The following DYM variants were observed in gnomAD, a reference collection of about 807,000 sequenced individuals.
DYM encodes dymeclin.
Under a neutral mutation model 93.1 loss-of-function variants are expected in DYM, and 78 were observed. The observed-to-expected ratio is 0.84, with a 90% CI of 0.70 to 1.01. The LOEUF is 1.01. Among genes scored for constraint, DYM ranks in the 50% least tolerant of loss-of-function variants. The pLI is 0.00. For missense variants in DYM, 789 were observed against 845.0 expected (o/e 0.93, Z 0.82); for synonymous variants, 321 against 319.7 (o/e 1.00, Z -0.04).
intron 2 of DYM, among the ~76,000 whole-genome samples, chr18:49,395,912 G>A (rs914382861): frequency 3.3e-5 from 5 of 152,300 alleles, no homozygotes; most frequent in Admixed American, 1.3e-4. Flanking sequence ...AATGGGAGGT[G>A]TCTGGGTCAT....
At position 49,381,775 on chromosome 18, in the gene DYM, T is replaced by C. The variant is rs2068064133; in HGVS notation, c.194-2017A>G. ...CAATCAGCGGAGTTTTTATCCAGCC[T>C]TCACAATCAAGAATAGATATGTGAT... On this transcript the variant is annotated intron_variant, in intron 3 of 17. Transcript: ENST00000675505. Among the ~76,000 whole-genome samples, 5 of 152,296 alleles carry C rather than the reference T, an allele frequency of 3.3e-5. No homozygotes were observed. In the South Asian group the frequency reaches 1.0e-3, roughly 32 times the overall value.
chr18:49,246,057 T>C (rs1262961336), intron 13 of DYM, among the ~76,000 whole-genome samples: 1 of 152,222 alleles, frequency 6.6e-6, no homozygotes, highest in African/African-American at 2.4e-5. Context: ...CCTAGGACAG[T>C]AGTCCCAGTT....
intron 8 of DYM, among the ~76,000 whole-genome samples, chr18:49,310,685 T>C (rs1449279007): frequency 1.3e-5 from 2 of 152,224 alleles, no homozygotes; most frequent in East Asian, 3.8e-4. Flanking sequence ...TTCACTTTGT[T>C]GCTAAAATGT....
chr18:49,429,751 C>A (rs115534639), intron 2 of DYM, among the ~76,000 whole-genome samples: 1 of 152,046 alleles, frequency 6.6e-6, no homozygotes, highest in Non-Finnish European at 1.5e-5. Context: ...ATGATGTATG[C>A]GGCAGTAACT....
chr18:49,208,164 CAG>C (rs1354393440), intron 14 of DYM, among the ~76,000 whole-genome samples: 2 of 111,028 alleles, frequency 1.8e-5, no homozygotes, highest in African/African-American at 7.6e-5. Flanking sequence ...GCCTGGGTGA[CAG>C]AGCAAGACTC....
chr18:49,305,023 C>T (rs2061190101), intron 8 of DYM, among the ~76,000 whole-genome samples: 1 of 152,188 alleles, frequency 6.6e-6, no homozygotes, highest in East Asian at 1.9e-4. Context: ...TCCCAGCATT[C>T]AGGTCACTTC....
At chr18:49,130,790 C>T (rs1568468168) in intron 15 of DYM, among the ~76,000 whole-genome samples, 2 of 152,086 alleles carry the variant, frequency 1.3e-5, no homozygotes, top group Non-Finnish European at 2.9e-5. Flanking sequence ...CACAGGTTAC[C>T]ATTTAGGGGA....
intron 6 of DYM, among the ~76,000 whole-genome samples, chr18:49,341,247 T>G (rs533673368): frequency 6.6e-6 from 1 of 152,186 alleles, no homozygotes; most frequent in East Asian, 1.9e-4. Flanking sequence ...TCCCAGCACT[T>G]TGGGAGGCCG....
At chr18:49,340,353 T>G (rs1411062002) in intron 6 of DYM, among the ~76,000 whole-genome samples, 1 of 152,034 alleles carries the variant, frequency 6.6e-6, no homozygotes, top group Admixed American at 6.6e-5. Flanking sequence ...AAAAACAGAA[T>G]GAGTTCTATA....
chr18:49,405,602 G>A (rs181488832), intron 2 of DYM, among the ~76,000 whole-genome samples: 1 of 152,204 alleles, frequency 6.6e-6, no homozygotes, highest in Non-Finnish European at 1.5e-5. Flanking sequence ...CTGTTTTTGT[G>A]CCAATATCAT....
rs144461000 is a variant in DYM, at chr18:49,391,643, C to T, written c.143G>A (p.Ser48Asn). The change falls in exon 3 of 18, where the codon AGT becomes AAT. Residue 48 changes from serine (S) to asparagine (N), a missense_variant and splice_region_variant. Coordinates refer to ENST00000675505, the MANE Select transcript of DYM (RefSeq NM_001353214.3). ...TGCTTCCTCCAAGAGTTTCAACTCACTACTGGAGAGACAGAAGAATAAAGG... is the reference window on the plus strand; with the variant it reads ...TGCTTCCTCCAAGAGTTTCAACTCATTACTGGAGAGACAGAAGAATAAAGG... ...SFSFPAPTSS[S>N]ELKLLEEATI... The T allele has an allele frequency of 2.4e-5, 39 of 1,612,670 alleles. No individual in the cohort carries two copies. The highest frequency in any genetic ancestry group is 9.4e-5 in the African/African-American group (7 of 74,852).
At chr18:49,289,767 A>C (rs1193792206) in intron 8 of DYM, among the ~76,000 whole-genome samples, 10 of 47,080 alleles carry the variant, frequency 2.1e-4, no homozygotes, top group African/African-American at 7.6e-4. Context: ...ATATATATAT[A>C]TATATACACA....
intron 14 of DYM, among the ~76,000 whole-genome samples, chr18:49,186,464 A>G (rs940648690): frequency 8.6e-5 from 13 of 151,926 alleles, no homozygotes; most frequent in East Asian, 5.8e-4. Context: ...ACTATTGCCT[A>G]TATCTTCTTT....
At chr18:49,422,174 A>G (rs1028651000) in intron 2 of DYM, among the ~76,000 whole-genome samples, 2 of 152,292 alleles carry the variant, frequency 1.3e-5, no homozygotes, top group East Asian at 1.9e-4. Flanking sequence ...GATACTCCTC[A>G]AGAAAAGCAA....
chr18:49,129,086 AG>A (rs564878538), intron 15 of DYM, among the ~76,000 whole-genome samples: 37 of 152,046 alleles, frequency 2.4e-4, no homozygotes, highest in African/African-American at 8.9e-4. Context: ...AAGGCAGTAA[AG>A]GGTCACAAAT....
At chr18:49,171,732 C>A (rs1381011739) in intron 14 of DYM, among the ~76,000 whole-genome samples, 2 of 150,818 alleles carry the variant, frequency 1.3e-5, no homozygotes, top group African/African-American at 4.9e-5. Context: ...CCTTACAGCC[C>A]CCATACCACC....
At chr18:49,278,212 A>G (rs1275567160) in intron 10 of DYM, among the ~76,000 whole-genome samples, 1 of 152,244 alleles carries the variant, frequency 6.6e-6, no homozygotes, top group Non-Finnish European at 1.5e-5. Context: ...TAAATCATAG[A>G]CTGCATATCA....
chr18:49,231,477 C>T (rs1002101971), intron 13 of DYM, among the ~76,000 whole-genome samples: 1 of 152,168 alleles, frequency 6.6e-6, no homozygotes, highest in Non-Finnish European at 1.5e-5. Context: ...ATTTTCCATC[C>T]ATCTCTCTGA....
chr18:49,038,900 C>G lies in DYM; in HGVS notation c.*5155G>C. 6.6e-6 allele frequency among the ~76,000 whole-genome samples: 1 copy of G among 152,190 alleles called. No homozygotes were observed. The highest frequency in any genetic ancestry group is 1.9e-4 in the East Asian group (1 of 5,208). On this transcript the variant is annotated 3_prime_UTR_variant, in exon 18 of 18. Transcript: ENST00000675505. ...CAAGTGTCTTAGAACACTTAAAATT[C>G]CCACATAAATCCTTTCATTTTCATA...
Sources: allele counts gnomAD v4.1 joint callset (sites outside exome capture counted in the v4.1 genomes callset), GRCh38; gene constraint gnomAD v4.1.1; transcripts MANE v1.5; gene names NCBI Gene and HGNC (gene_info 2026-07-23, HGNC 2026-07-21).